TTLL11: variants seen among roughly 807,000 people sequenced by gnomAD.
The protein encoded by TTLL11 is tubulin tyrosine ligase like 11, also known as tubulin polyglutamylase TTLL11.
TTLL11 carries 42 observed loss-of-function variants against 51.7 expected under a neutral mutation model. The ratio of observed to expected loss-of-function variants is 0.81; its 90% confidence interval spans 0.64 to 1.05. The LOEUF (loss-of-function observed/expected upper bound fraction) is 1.05. TTLL11 is among the 50% of genes least tolerant of loss of function. The pLI is 0.00. For missense variants in TTLL11, 799 were observed against 940.4 expected, an observed-to-expected ratio of 0.85 and a Z score of 1.97; for synonymous variants, 381 against 383.5, an observed-to-expected ratio of 0.99 and a Z score of 0.08.
At chr9:122,003,478 C>T (rs1456846775) in intron 3 of TTLL11, among the ~76,000 whole-genome samples, 1 of 142,252 alleles carries the variant, frequency 7.0e-6, no homozygotes, top group African/African-American at 2.6e-5. Context: ...AATATGCATA[C>T]GTTCCTTTTT....
In TTLL11 at chr9:122,017,143, A is replaced by T. The variant is rs1420434428; in HGVS notation, c.693+14580T>A. On this transcript the variant is annotated intron_variant, in intron 3 of 8. Transcript: ENST00000321582. ...TTTCCGTTGTTTTACAGAAACTCAC[A>T]CTTCTTCCTGTTGTTGCCAGGAACC... 2.0e-5 allele frequency among the ~76,000 whole-genome samples: 3 copies of T among 152,302 alleles called. No individual in the cohort carries two copies. The East Asian group carries it at 5.8e-4, about 29-fold the overall frequency.
Position 121,989,253 on chromosome 9 carries a change from A to G in TTLL11, c.1211T>C (p.Leu404Pro). ...IKTVIALTPE[L>P]KVFYQSDIPT... ...GATGTCTGACTGGTAGAAGACTTTG[A>G]GCTCTGGAGTCAGCGCGATGACCGT... Residue 404 changes from leucine (L) to proline (P), a missense_variant, in exon 4 of 9, where the codon CTC becomes CCC. Leu to Pro is a moderately conservative substitution (Grantham distance 98). Coordinates refer to ENST00000321582, the MANE Select transcript of TTLL11 (RefSeq NM_001139442.2). This position sits in a 1 kb window ranked among gnomAD's most constrained non-coding sequence, Gnocchi z 4.2. The G allele has an allele frequency of 6.2e-7, 1 of 1,614,100 alleles. No individual in the cohort carries two copies. Among genetic ancestry groups the G allele is most frequent in the Non-Finnish European group, 8.5e-7 (1 of 1,179,982 alleles).
At chr9:121,986,608 C>T (rs375696780) in intron 4 of TTLL11, among the ~76,000 whole-genome samples, 3 of 152,260 alleles carry the variant, frequency 2.0e-5, no homozygotes, top group African/African-American at 7.2e-5. Context: ...TTTCTCAGGA[C>T]AGATTTCTGG....
intron 1 of TTLL11, among the ~76,000 whole-genome samples, chr9:122,052,456 CTTGA>C (rs896766874): frequency 3.3e-5 from 5 of 152,276 alleles, no homozygotes; most frequent in Middle Eastern, 3.4e-3. Flanking sequence ...ATAATGTCGA[CTTGA>C]TTGGGTTATT....
chr9:121,903,734 C>G (rs987220139), intron 6 of TTLL11, among the ~76,000 whole-genome samples: 1 of 152,142 alleles, frequency 6.6e-6, no homozygotes, highest in Admixed American at 6.5e-5. Flanking sequence ...CCATAGGCGC[C>G]CAGTGGCTGG....
intron 1 of TTLL11, among the ~76,000 whole-genome samples, chr9:122,084,664 GA>G (rs1344660894): frequency 6.6e-6 from 1 of 152,184 alleles, no homozygotes; most frequent in East Asian, 1.9e-4. Context: ...TCACCAGAGG[GA>G]AAGTCAAACC....
intron 8 of TTLL11, among the ~76,000 whole-genome samples, chr9:121,841,187 T>C (rs1018589520): frequency 1.3e-5 from 2 of 152,112 alleles, no homozygotes; most frequent in African/African-American, 2.4e-5. Context: ...TGGAAGCACG[T>C]TGGCTGGCCC....
chr9:122,040,746 C>T (rs1016023793), intron 1 of TTLL11, among the ~76,000 whole-genome samples: 2 of 152,188 alleles, frequency 1.3e-5, no homozygotes, highest in Admixed American at 6.5e-5. Context: ...TCATTTAAAT[C>T]AGTCACATTA....
chr9:121,847,144 A>G (rs1837540022), intron 8 of TTLL11, among the ~76,000 whole-genome samples: 1 of 148,050 alleles, frequency 6.8e-6, no homozygotes, highest in Admixed American at 6.9e-5. Context: ...CGGGAGGCGG[A>G]GCTTGCCGTG....
At chr9:121,914,233 T>C (rs1317249368) in intron 6 of TTLL11, among the ~76,000 whole-genome samples, 1 of 152,228 alleles carries the variant, frequency 6.6e-6, no homozygotes, top group Non-Finnish European at 1.5e-5. Context: ...TTTGTTAATA[T>C]ATCGTCTACA....
rs769372276 is a variant in TTLL11, at chr9:122,031,864, G to A, written c.560-8C>T. ...GCACCATCTCCGTCATGCCTGGGGA[G>A]AAGAGACGCTGTGAGGTTTTAACAA... On this transcript the variant is annotated splice_region_variant and splice_polypyrimidine_tract_variant and intron_variant, in intron 2 of 8. Coordinates refer to ENST00000321582, the MANE Select transcript of TTLL11 (RefSeq NM_001139442.2). The A allele has an allele frequency of 5.0e-6, 8 of 1,611,330 alleles. No individual in the cohort carries two copies. The highest frequency in any genetic ancestry group is 1.7e-5 in the Admixed American group (1 of 59,874).
chr9:121,872,484 G>T (rs1479053612), intron 6 of TTLL11, among the ~76,000 whole-genome samples: 2 of 152,188 alleles, frequency 1.3e-5, no homozygotes, highest in Non-Finnish European at 2.9e-5. Context: ...AAGTTTCATT[G>T]AATCCATTGC....
chr9:121,909,841 G>A (rs1175268340), intron 6 of TTLL11, among the ~76,000 whole-genome samples: 2 of 152,138 alleles, frequency 1.3e-5, no homozygotes, highest in African/African-American at 4.8e-5. Context: ...TGAAAGACTT[G>A]GGTAGAGCTG....
At chr9:121,828,029 A>G (rs79050419) in intron 8 of TTLL11, among the ~76,000 whole-genome samples, 3,963 of 152,260 alleles carry the variant, frequency 0.026, 116 homozygotes, top group African/African-American at 0.065. Context: ...ATAACAACAT[A>G]TAATGAGAGT....
chr9:122,088,115 T>C lies in TTLL11; in HGVS notation c.462+4572A>G, dbSNP rs530726766. Among the ~76,000 whole-genome samples, 5 of 152,316 alleles carry C rather than the reference T, an allele frequency of 3.3e-5. No individual in the cohort carries two copies. The South Asian group carries it at 1.0e-3, about 32-fold the overall frequency. ...CTATATATGGCAAGCAATCTGTGAT[T>C]AAATTCAGTCAGAAGCGCAAGCTTC... is the stretch of plus-strand genomic sequence containing the variant. On this transcript the variant is annotated intron_variant, in intron 1 of 8. Coordinates refer to ENST00000321582, the MANE Select transcript of TTLL11 (RefSeq NM_001139442.2).
At chr9:122,086,904 T>C (rs951625035) in intron 1 of TTLL11, among the ~76,000 whole-genome samples, 4 of 152,270 alleles carry the variant, frequency 2.6e-5, no homozygotes, top group Non-Finnish European at 4.4e-5. Flanking sequence ...TTACTTGCTG[T>C]GCCCACCTCA....
chr9:122,030,202 TGGGG>T (rs35688566), intron 3 of TTLL11, among the ~76,000 whole-genome samples: 1 of 78,486 alleles, frequency 1.3e-5, no homozygotes, highest in Non-Finnish European at 2.7e-5. Flanking sequence ...AGAGAGACAT[TGGGG>T]GGGGGGGGGT....
intron 6 of TTLL11, among the ~76,000 whole-genome samples, chr9:121,876,263 TC>T (rs1838561043): frequency 6.6e-6 from 1 of 152,234 alleles, no homozygotes; most frequent in African/African-American, 2.4e-5. Flanking sequence ...GGTATATAGT[TC>T]CAGAAATTAA....
chr9:122,026,921 A>C (rs886882173), intron 3 of TTLL11, among the ~76,000 whole-genome samples: 1 of 151,888 alleles, frequency 6.6e-6, no homozygotes, highest in East Asian at 1.9e-4. Context: ...AAAAAAAAAA[A>C]AAAAAAAAAA....
Sources: gnomAD v4.1 joint callset for allele counts (sites outside exome capture counted in the v4.1 genomes callset) on GRCh38, gnomAD v4.1.1 for gene constraint, Gnocchi (gnomAD v3.1) non-coding constraint, MANE v1.5 for transcripts, NCBI Gene and HGNC (gene_info 2026-07-23, HGNC 2026-07-21) for gene names.